ABR: variants seen among roughly 807,000 people sequenced by gnomAD.
The protein encoded by ABR is ABR activator of RhoGEF and GTPase.
Under a neutral mutation model 107.2 loss-of-function variants are expected in ABR, and 35 were observed. The observed-to-expected ratio is 0.33, with a 90% CI of 0.25 to 0.43. The LOEUF (loss-of-function observed/expected upper bound fraction) is 0.43. ABR is among the 20% of genes least tolerant of loss of function. The pLI, the probability that ABR is intolerant of heterozygous loss-of-function variation, is 1.00. For missense variants in ABR, 815 were observed against 1,115.2 expected, an observed-to-expected ratio of 0.73 and a Z score of 3.83; for synonymous variants, 498 against 462.0, an observed-to-expected ratio of 1.08 and a Z score of -1.00.
Position 1,087,706 on chromosome 17 carries a change from G to A in ABR, c.531+3959C>T, listed in dbSNP as rs532566064. Reference sequence around the variant, plus strand: ...ACAGTCGCTGCCTAAGCCAAAGTCAGATCACCGATATTCTTCCAGGAAAAG... The same window carrying A: ...ACAGTCGCTGCCTAAGCCAAAGTCAAATCACCGATATTCTTCCAGGAAAAG... On this transcript the variant is annotated intron_variant, in intron 4 of 22. Coordinates refer to ENST00000302538, the MANE Select transcript of ABR (RefSeq NM_021962.5). Among the ~76,000 whole-genome samples the A allele has an allele frequency of 1.1e-3, 172 of 152,224 alleles. 1 individual carries two copies. Among genetic ancestry groups the A allele is most frequent in the African/African-American group, 3.9e-3 (162 of 41,536 alleles).
chr17:1,182,753 C>T (rs1056863822), upstream of ABR, among the ~76,000 whole-genome samples: 1 of 152,152 alleles, frequency 6.6e-6, no homozygotes, highest in African/African-American at 2.4e-5. Flanking sequence ...GAAATCTCTG[C>T]GGGTCCATGG....
At chr17:1,145,492 C>A (rs373456024) in intron 1 of ABR, among the ~76,000 whole-genome samples, 1 of 152,226 alleles carries the variant, frequency 6.6e-6, no homozygotes, top group Non-Finnish European at 1.5e-5. Flanking sequence ...CTGCAGAAGG[C>A]GGGTGGCCAG....
chr17:1,049,663 C>T (rs775917609), intron 16 of ABR, among the ~76,000 whole-genome samples: 5 of 152,148 alleles, frequency 3.3e-5, no homozygotes, highest in Admixed American at 6.5e-5. Flanking sequence ...TGCCTAACTC[C>T]GGTCCCCCGT....
intron 1 of ABR, among the ~76,000 whole-genome samples, chr17:1,208,403 G>T (rs1229931470): frequency 6.6e-6 from 1 of 152,172 alleles, no homozygotes; most frequent in Non-Finnish European, 1.5e-5. Context: ...CATGTGCTGC[G>T]TCTCGATCGG....
Position 1,096,388 on chromosome 17 carries a change from C to T in ABR, c.345+4249G>A, listed in dbSNP as rs10083885. Among the ~76,000 whole-genome samples, 572 of 152,314 alleles carry T rather than the reference C, an allele frequency of 3.8e-3. 3 individuals carry two copies. The highest frequency in any genetic ancestry group is 0.013 in the African/African-American group (541 of 41,560). On this transcript the variant is annotated intron_variant, in intron 3 of 22. Coordinates refer to ENST00000302538, the MANE Select transcript of ABR (RefSeq NM_021962.5). ...CGAGCATGGAGGGAACGAATTTCTTCTCCTTCAAGCTGGCACCTTTGCGAG... is the reference window on the plus strand; with the variant it reads ...CGAGCATGGAGGGAACGAATTTCTTTTCCTTCAAGCTGGCACCTTTGCGAG...
chr17:1,214,462 G>T (rs2042960803), intron 1 of ABR, among the ~76,000 whole-genome samples: 1 of 152,050 alleles, frequency 6.6e-6, no homozygotes. Flanking sequence ...ACAGTTAATA[G>T]CAATTTAAAG....
At chr17:1,019,070 T>C (rs996469823) in intron 16 of ABR, among the ~76,000 whole-genome samples, 2 of 152,112 alleles carry the variant, frequency 1.3e-5, no homozygotes, top group African/African-American at 2.4e-5. Context: ...GGCCTCCTGG[T>C]GTGTGTCCCG....
chr17:1,017,020 G>A (rs545656545), intron 16 of ABR, among the ~76,000 whole-genome samples: 1 of 152,036 alleles, frequency 6.6e-6, no homozygotes, highest in East Asian at 1.9e-4. Context: ...AGCCTCCGAC[G>A]GGGTCTGGGT....
intron 7 of ABR, 66 bp from the exon 8 acceptor site, chr17:1,072,820 G>A (rs1236466039): frequency 6.4e-7 from 1 of 1,559,340 alleles, no homozygotes; most frequent in Admixed American, 2.0e-5. Context: ...CCACCGGGGA[G>A]TGCTCAGTCC....
chr17:1,007,656 C>T (rs893241346), intron 21 of ABR, among the ~76,000 whole-genome samples: 3 of 152,246 alleles, frequency 2.0e-5, no homozygotes, highest in Non-Finnish European at 4.4e-5. Flanking sequence ...ACACTCGCCG[C>T]AGTCCTTTGA....
intron 1 of ABR, among the ~76,000 whole-genome samples, chr17:1,221,892 C>A (rs138189488): frequency 1.6e-3 from 241 of 152,262 alleles, no homozygotes; most frequent in African/African-American, 5.6e-3. Flanking sequence ...GGAGTAGGGA[C>A]AGCGGTAAGT....
intron 1 of ABR, among the ~76,000 whole-genome samples, chr17:1,203,436 A>G (rs77028484): frequency 0.29 from 6,111 of 21,234 alleles, 2,199 homozygotes; most frequent in African/African-American, 0.46. Context: ...GCCCGCGGGG[A>G]CGGAGTCTGC....
intron 16 of ABR, among the ~76,000 whole-genome samples, chr17:1,023,100 T>C (rs1339952975): frequency 1.3e-5 from 2 of 149,444 alleles, no homozygotes; most frequent in Admixed American, 6.6e-5. Context: ...GCAGAGCCTC[T>C]GCCGGCCCCA....
upstream of ABR, among the ~76,000 whole-genome samples, chr17:1,181,379 G>C (rs900551571): frequency 6.6e-6 from 1 of 152,154 alleles, no homozygotes; most frequent in Admixed American, 6.5e-5. Context: ...GATGCTCTGG[G>C]TGGGGAAGCC....
At chr17:1,211,891 G>T (rs376660807) in intron 1 of ABR, among the ~76,000 whole-genome samples, 1 of 151,786 alleles carries the variant, frequency 6.6e-6, no homozygotes, top group East Asian at 1.9e-4. Flanking sequence ...GACCAGCCTG[G>T]CCAAGATGGT....
At chr17:1,044,641 A>C (rs1232912140) in intron 16 of ABR, among the ~76,000 whole-genome samples, 27 of 110,416 alleles carry the variant, frequency 2.4e-4, no homozygotes, top group South Asian at 4.2e-4. Context: ...GCACAGCAAG[A>C]CCCCATCTCA....
chr17:1,206,328 G>A (rs1201373386), intron 1 of ABR, among the ~76,000 whole-genome samples: 1 of 152,126 alleles, frequency 6.6e-6, no homozygotes, highest in Non-Finnish European at 1.5e-5. Flanking sequence ...ATCACACAGG[G>A]TTTATCCCAG....
chr17:1,023,194 C>A (rs2071861735), intron 16 of ABR, among the ~76,000 whole-genome samples: 1 of 152,256 alleles, frequency 6.6e-6, no homozygotes, highest in Admixed American at 6.5e-5. Context: ...CTCTGCCGGC[C>A]CCACGTCCAC....
At chr17:1,023,692 T>A (rs1597412604) in intron 16 of ABR, among the ~76,000 whole-genome samples, 4 of 152,306 alleles carry the variant, frequency 2.6e-5, no homozygotes, top group Admixed American at 2.6e-4. Context: ...CAGACCTCCA[T>A]GGGCTCTGAA....
Sources: allele counts gnomAD v4.1 joint callset (sites outside exome capture counted in the v4.1 genomes callset), GRCh38; gene constraint gnomAD v4.1.1; transcripts MANE v1.5; gene names NCBI Gene and HGNC (gene_info 2026-07-23, HGNC 2026-07-21).